Variants in PPFIBP1 observed in about 807,000 individuals in gnomAD.
PPFIBP1 encodes PPFIB scaffold protein 1, also known as liprin-beta-1.
A neutral mutation model predicts 137.8 loss-of-function variants in PPFIBP1; 112 were observed. The ratio of observed to expected loss-of-function variants is 0.81; its 90% CI spans 0.70 to 0.95. The LOEUF (loss-of-function observed/expected upper bound fraction) is 0.95. Ranked by LOEUF, PPFIBP1 falls within the 40% of genes least tolerant of loss-of-function variation. The pLI is 0.00. For synonymous variants in PPFIBP1, 378 were observed against 417.3 expected (o/e 0.91, Z 1.15); for missense variants, 1,083 against 1,196.6 (o/e 0.91, Z 1.40).
At chr12:27,543,496 C>T (rs530082191) in intron 1 of PPFIBP1, among the ~76,000 whole-genome samples, 3 of 152,166 alleles carry the variant, frequency 2.0e-5, no homozygotes, top group Non-Finnish European at 2.9e-5. Context: ...ACTTTAGATC[C>T]GTTGCCCTAT....
At position 27,689,115 on chromosome 12, in the gene PPFIBP1, T is replaced by G; in HGVS notation, c.2597T>G (p.Leu866Arg). ...AGACATTTGGCCACTCATTTCAACC[T>G]TCTGATTGGGGCTGAGGCACAGCAC... ...LRRHLATHFN[L>R]LIGAEAQHQK... is the part of the protein sequence containing the mutation. The change falls in exon 27 of 30, where the codon CTT becomes CGT. Residue 866 changes from leucine (L) to arginine (R), a missense_variant. Leu to Arg is a moderately radical substitution (Grantham distance 102). Transcript: ENST00000228425. 1 of 1,610,166 alleles carries G rather than the reference T, an allele frequency of 6.2e-7. No individual in the cohort carries two copies. The highest frequency in any genetic ancestry group is 8.5e-7 in the Non-Finnish European group (1 of 1,179,088).
intron 2 of PPFIBP1, among the ~76,000 whole-genome samples, chr12:27,597,831 T>C (rs1164435564): frequency 2.0e-5 from 3 of 151,978 alleles, no homozygotes; most frequent in Non-Finnish European, 4.4e-5. Context: ...TGAGATGGAG[T>C]TTTGCTCTTG....
chr12:27,543,245 A>C (rs1945856437), intron 1 of PPFIBP1, among the ~76,000 whole-genome samples: 1 of 152,252 alleles, frequency 6.6e-6, no homozygotes, highest in African/African-American at 2.4e-5. Flanking sequence ...AATTGAGCCA[A>C]GTAACTACTA....
intron 9 of PPFIBP1, among the ~76,000 whole-genome samples, chr12:27,657,721 C>A (rs1228579230): frequency 6.6e-6 from 1 of 152,040 alleles, no homozygotes; most frequent in African/African-American, 2.4e-5. Flanking sequence ...CTTCACCGCC[C>A]CACCCCATCA....
chr12:27,589,327 A>G (rs2137216100), intron 2 of PPFIBP1, among the ~76,000 whole-genome samples: 1 of 152,186 alleles, frequency 6.6e-6, no homozygotes, highest in Admixed American at 6.5e-5. Flanking sequence ...TTAGACTTGG[A>G]TCCGTGCATC....
intron 2 of PPFIBP1, among the ~76,000 whole-genome samples, chr12:27,594,374 C>T (rs1277506101): frequency 6.6e-6 from 1 of 152,064 alleles, no homozygotes; most frequent in Non-Finnish European, 1.5e-5. Context: ...GATGGGGTTT[C>T]ACCATGTTGC....
In PPFIBP1 at chr12:27,664,927, G is replaced by A. The variant is rs553781416; in HGVS notation, c.991+481G>A. 3.3e-5 allele frequency among the ~76,000 whole-genome samples: 5 copies of A among 152,176 alleles called. No individual in the cohort carries two copies. In the South Asian group the frequency reaches 1.0e-3, roughly 32 times the overall value. On this transcript the variant is annotated intron_variant, in intron 12 of 29. Coordinates refer to ENST00000228425, the MANE Select transcript of PPFIBP1 (RefSeq NM_003622.4). ...CAGTGGTCAGGCGTGGTGGCCTACG[G>A]CTGTAATCCCAGCACTTTGGGAGGC...
chr12:27,619,480 G>T (rs2056121346), intron 2 of PPFIBP1, among the ~76,000 whole-genome samples: 3 of 152,096 alleles, frequency 2.0e-5, no homozygotes, highest in African/African-American at 7.2e-5. Context: ...TCAAATTTCA[G>T]TGTAAAGGAT....
intron 1 of PPFIBP1, among the ~76,000 whole-genome samples, chr12:27,525,377 C>T (rs1283822088): frequency 6.6e-6 from 1 of 151,610 alleles, no homozygotes; most frequent in Non-Finnish European, 1.5e-5. Context: ...CTGTCTTTTT[C>T]CTATGTGGAG....
chr12:27,611,244 T>C (rs1207454527), intron 2 of PPFIBP1, among the ~76,000 whole-genome samples: 1 of 152,232 alleles, frequency 6.6e-6, no homozygotes, highest in Non-Finnish European at 1.5e-5. Context: ...TCAGGCCAGC[T>C]GCACTTTGAA....
intron 1 of PPFIBP1, among the ~76,000 whole-genome samples, chr12:27,551,973 T>A (rs1946833006): frequency 6.6e-6 from 1 of 152,192 alleles, no homozygotes; most frequent in Non-Finnish European, 1.5e-5. Context: ...GCGTTCCAGG[T>A]CCGTGTCTGC....
chr12:27,673,802 A>C lies in PPFIBP1; in HGVS notation c.1355A>C (p.Asn452Thr), dbSNP rs1478678153. The change falls in exon 16 of 30, where the codon AAT (asparagine) becomes ACT (threonine). Residue 452 changes from asparagine to threonine, a missense_variant. Physicochemically the swap from Asn to Thr is moderately conservative, Grantham distance 65. Transcript: ENST00000228425. Reference protein sequence around the residue: ...SSLQKSSSLGNLKKETSDGEK... With the variant: ...SSLQKSSSLGTLKKETSDGEK... ...CTGCAGAAGTCCAGCAGCCTGGGCA[A>C]TCTGAAGAAAGAGACATCTGATGGG... is the stretch of plus-strand genomic sequence containing the variant. 6.2e-7 allele frequency: 1 copy of C among 1,613,618 alleles called. No homozygotes were observed. Among genetic ancestry groups the C allele is most frequent in the East Asian group, 2.2e-5 (1 of 44,882 alleles).
At chr12:27,587,391 G>T (rs2051894212) in intron 2 of PPFIBP1, among the ~76,000 whole-genome samples, 1 of 152,100 alleles carries the variant, frequency 6.6e-6, no homozygotes, top group Non-Finnish European at 1.5e-5. Context: ...GGAGGCCGAG[G>T]CGGGCGGATC....
At chr12:27,564,893 C>G (rs549328250) in intron 1 of PPFIBP1, among the ~76,000 whole-genome samples, 3 of 152,058 alleles carry the variant, frequency 2.0e-5, no homozygotes, top group African/African-American at 7.2e-5. Flanking sequence ...TCCCCAGAAC[C>G]CTTTGTCTTC....
Position 27,648,055 on chromosome 12 carries a change from A to G in PPFIBP1, c.471+213A>G, listed in dbSNP as rs542721378. ...AATTAGAATCTGGAACAAAATGTCA[A>G]TAGGATTGTGGCTTATTTTAATTTT... On this transcript the variant is annotated intron_variant, in intron 6 of 29. Coordinates refer to ENST00000228425, the MANE Select transcript of PPFIBP1 (RefSeq NM_003622.4). 1.2e-4 allele frequency: 66 copies of G among 538,500 alleles called. No homozygotes were observed. In the South Asian group the frequency reaches 2.5e-3, roughly 20 times the overall value. The allele number at this position is 538,500 out of a possible 1,614,324, so 33.4% of individuals were successfully genotyped here.
chr12:27,579,525 A>G (rs2050879456), intron 2 of PPFIBP1, among the ~76,000 whole-genome samples: 1 of 152,166 alleles, frequency 6.6e-6, no homozygotes, highest in African/African-American at 2.4e-5. Flanking sequence ...CATACAGTGA[A>G]TATTCTTTTG....
intron 7 of PPFIBP1, among the ~76,000 whole-genome samples, chr12:27,652,961 A>G (rs139557382): frequency 1.3e-5 from 2 of 152,332 alleles, no homozygotes; most frequent in African/African-American, 2.4e-5. Context: ...GACCTAATTC[A>G]TAAGAAGAAA....
chr12:27,538,235 A>G (rs888376027), intron 1 of PPFIBP1: 1 of 152,228 alleles, frequency 6.6e-6, no homozygotes. Context: ...AAAGCAGTTC[A>G]TCAGGAAAAC....
rs768417701 is a variant in PPFIBP1 at position 27,682,723 on chromosome 12, G to C, written c.2247+20G>C. The C allele has an allele frequency of 1.2e-6, 2 of 1,613,280 alleles. No homozygotes were observed. Among genetic ancestry groups the C allele is most frequent in the East Asian group, 2.2e-5 (1 of 44,858 alleles). ...ACTGTTGTAAGTGACTCACTCCTGG[G>C]GTTTGGGGGAGGAAAACTTTTTTTC... On this transcript the variant is annotated intron_variant, in intron 24 of 29. Coordinates refer to ENST00000228425, the MANE Select transcript of PPFIBP1 (RefSeq NM_003622.4).
Sources: gnomAD v4.1 joint callset for allele counts (sites outside exome capture counted in the v4.1 genomes callset) on GRCh38, gnomAD v4.1.1 for gene constraint, MANE v1.5 for transcripts, NCBI Gene and HGNC (gene_info 2026-07-23, HGNC 2026-07-21) for gene names.